MIPEP: variants seen among roughly 807,000 people sequenced by gnomAD.
MIPEP encodes mitochondrial intermediate peptidase.
In MIPEP, 79 loss-of-function variants were observed where a neutral mutation model predicts 90.3. The observed-to-expected ratio is 0.87, with a 90% CI of 0.73 to 1.05. The LOEUF (loss-of-function observed/expected upper bound fraction) is 1.05, where lower values mean the gene tolerates loss of function less well. Among genes scored for constraint, MIPEP ranks in the 50% least tolerant of loss-of-function variants. The pLI is 0.00. For missense variants in MIPEP, 940 were observed against 905.6 expected (o/e 1.04, Z -0.49); for synonymous variants, 334 against 315.8 (o/e 1.06, Z -0.61).
chr13:23,764,678 C>G (rs1203064224), intron 16 of MIPEP, among the ~76,000 whole-genome samples: 2 of 151,200 alleles, frequency 1.3e-5, no homozygotes, highest in Non-Finnish European at 2.9e-5. Context: ...AGACCTCAGC[C>G]TCCTGAGTAG....
At position 23,730,402 on chromosome 13, in the gene MIPEP, G is replaced by A. The variant is rs1593120187; in HGVS notation, c.2088C>T (p.Ala696=). Residue 696 remains alanine, a synonymous_variant, in exon 19 of 19, where the codon GCC becomes GCT. Transcript: ENST00000382172. ...KCPSVDDFVS[A]LVSDLDLDFE... ...AGTCCAGATCCAAGTCGGAAACGAG[G>A]GCACTTACGAAGTCATCAACAGAAG... 1.2e-6 allele frequency: 2 copies of A among 1,612,780 alleles called. No homozygotes were observed. Among genetic ancestry groups the A allele is most frequent in the Non-Finnish European group, 1.7e-6 (2 of 1,179,136 alleles).
intron 15 of MIPEP, among the ~76,000 whole-genome samples, chr13:23,808,369 G>A (rs1398632521): frequency 6.6e-6 from 1 of 152,140 alleles, no homozygotes; most frequent in East Asian, 1.9e-4. Flanking sequence ...AACGTGCTGG[G>A]ATTATAAGTG....
intron 7 of MIPEP, 87 bp from the exon 8 acceptor site, chr13:23,864,276 C>T: frequency 1.1e-6 from 1 of 901,140 alleles, no homozygotes. Flanking sequence ...TGATCATAAT[C>T]TATATCCCAC....
chr13:23,799,635 T>A (rs1953011213), intron 16 of MIPEP, among the ~76,000 whole-genome samples: 2 of 152,218 alleles, frequency 1.3e-5, no homozygotes, highest in Non-Finnish European at 2.9e-5. Context: ...CTAGGATAAT[T>A]TTTAACTAAT....
At chr13:23,796,382 A>C (rs1952961626) in intron 16 of MIPEP, among the ~76,000 whole-genome samples, 1 of 152,214 alleles carries the variant, frequency 6.6e-6, no homozygotes, top group Non-Finnish European at 1.5e-5. Flanking sequence ...GTTCCACTGC[A>C]CTACAGCTTT....
intron 6 of MIPEP, 61 bp downstream of exon 6, chr13:23,869,952 G>C: frequency 7.3e-7 from 1 of 1,378,152 alleles, no homozygotes; most frequent in Non-Finnish European, 9.7e-7. Context: ...TGAATTTTGG[G>C]TTAAAACAGT....
intron 17 of MIPEP, among the ~76,000 whole-genome samples, chr13:23,757,782 T>G (rs559329672): frequency 6.6e-6 from 1 of 152,284 alleles, no homozygotes. Context: ...TGACAATATG[T>G]GAAGGCAGGT....
At position 23,803,504 on chromosome 13, in the gene MIPEP, C is replaced by CA. The variant is rs1224659359; in HGVS notation, c.1848+2445dup. Among the ~76,000 whole-genome samples the CA allele has an allele frequency of 1.1e-4, 17 of 152,258 alleles. No homozygotes were observed. The Middle Eastern group carries it at 0.014, about 122-fold the overall frequency. ...TTGTGTGCAGTGTGATACAGGGCTG[C>CA]ATTTTTTTTTCCATATAGAGATCAA... On this transcript the variant is annotated intron_variant, in intron 16 of 18. Transcript: ENST00000382172.
intron 16 of MIPEP, among the ~76,000 whole-genome samples, chr13:23,768,256 C>A (rs1952612673): frequency 6.6e-6 from 1 of 152,180 alleles, no homozygotes; most frequent in Non-Finnish European, 1.5e-5. Context: ...ATCACTAACA[C>A]CAAAACTGAT....
intron 16 of MIPEP, among the ~76,000 whole-genome samples, chr13:23,800,967 A>G (rs750364297): frequency 2.6e-5 from 4 of 152,238 alleles, no homozygotes; most frequent in Admixed American, 6.5e-5. Flanking sequence ...TAATGCACTT[A>G]AAGAATTGCT....
At chr13:23,833,011 C>T (rs566336642) in intron 14 of MIPEP, among the ~76,000 whole-genome samples, 1 of 152,188 alleles carries the variant, frequency 6.6e-6, no homozygotes, top group Non-Finnish European at 1.5e-5. Flanking sequence ...GATAAAATAC[C>T]TGTAGGTGTT....
At chr13:23,788,582 A>G (rs1047222697) in intron 16 of MIPEP, among the ~76,000 whole-genome samples, 3 of 152,202 alleles carry the variant, frequency 2.0e-5, no homozygotes, top group African/African-American at 4.8e-5. Flanking sequence ...CAAGGCCACA[A>G]ATAACTGCAA....
chr13:23,887,090 T>C (rs527530808), intron 1 of MIPEP, among the ~76,000 whole-genome samples: 2 of 152,288 alleles, frequency 1.3e-5, no homozygotes, highest in South Asian at 4.1e-4. Context: ...AACTATCAAA[T>C]AGGGAGGATG....
intron 16 of MIPEP, among the ~76,000 whole-genome samples, chr13:23,788,473 G>A (rs1029393105): frequency 6.6e-6 from 1 of 152,184 alleles, no homozygotes; most frequent in Non-Finnish European, 1.5e-5. Flanking sequence ...CTGAACCAAG[G>A]GCAGGAGATG....
At chr13:23,855,528 GTGA>G (rs1227127538) in intron 10 of MIPEP, among the ~76,000 whole-genome samples, 1 of 152,076 alleles carries the variant, frequency 6.6e-6, no homozygotes, top group African/African-American at 2.4e-5. Flanking sequence ...TACTTGAAAG[GTGA>G]TGAATTTAAC....
At chr13:23,783,051 T>A (rs892706171) in intron 16 of MIPEP, among the ~76,000 whole-genome samples, 5 of 152,320 alleles carry the variant, frequency 3.3e-5, no homozygotes, top group African/African-American at 1.2e-4. Context: ...GTACCATTCC[T>A]TCTGAAACTA....
At chr13:23,771,936 A>G (rs988595924) in intron 16 of MIPEP, among the ~76,000 whole-genome samples, 3 of 152,208 alleles carry the variant, frequency 2.0e-5, no homozygotes, top group Non-Finnish European at 4.4e-5. Context: ...GTAAAAAGCC[A>G]GACGTGTGCA....
intron 14 of MIPEP, among the ~76,000 whole-genome samples, chr13:23,835,837 G>A (rs1435264996): frequency 6.6e-6 from 1 of 152,188 alleles, no homozygotes; most frequent in African/African-American, 2.4e-5. Context: ...TCAGTTTAAT[G>A]AGACAACATA....
intron 14 of MIPEP, among the ~76,000 whole-genome samples, chr13:23,816,950 C>T (rs533051057): frequency 1.2e-4 from 19 of 152,318 alleles, no homozygotes; most frequent in East Asian, 3.9e-4. Context: ...CCCCTTTGTA[C>T]GGCAGTCAAC....
Sources: gnomAD v4.1 joint callset for allele counts (sites outside exome capture counted in the v4.1 genomes callset) on GRCh38, gnomAD v4.1.1 for gene constraint, MANE v1.5 for transcripts, NCBI Gene and HGNC (gene_info 2026-07-23, HGNC 2026-07-21) for gene names.